Variants in FRMD5 observed in about 807,000 individuals in gnomAD.
FRMD5 encodes the protein FERM domain-containing protein 5.
Under a neutral mutation model 69.0 loss-of-function variants are expected in FRMD5, and 20 were observed. The ratio of observed to expected loss-of-function variants is 0.29; its 90% CI spans 0.20 to 0.42. The LOEUF (loss-of-function observed/expected upper bound fraction) is 0.42. Among genes scored for constraint, FRMD5 ranks in the 10% least tolerant of loss-of-function variants. FRMD5 has a pLI of 1.00. For missense variants in FRMD5, 595 were observed against 708.6 expected, an observed-to-expected ratio of 0.84 and a Z score of 1.82; for synonymous variants, 271 against 260.1, an observed-to-expected ratio of 1.04 and a Z score of -0.40.
At chr15:43,918,455 CCTT>C (rs1380303514) in intron 4 of FRMD5, among the ~76,000 whole-genome samples, 7 of 152,168 alleles carry the variant, frequency 4.6e-5, no homozygotes, top group Admixed American at 2.0e-4. Context: ...ATTCTTTCCT[CCTT>C]CTTCCCTCCT....
intron 1 of FRMD5, among the ~76,000 whole-genome samples, chr15:44,067,234 G>C (rs1893348930): frequency 6.6e-6 from 1 of 152,198 alleles, no homozygotes; most frequent in Non-Finnish European, 1.5e-5. Context: ...GAGAACTGGG[G>C]AGAGACTAGG....
chr15:44,024,180 A>C (rs1891332493), intron 1 of FRMD5, among the ~76,000 whole-genome samples: 1 of 152,128 alleles, frequency 6.6e-6, no homozygotes, highest in African/African-American at 2.4e-5. Context: ...GAAAATAAAC[A>C]CCAGATGTGT....
chr15:43,919,449 T>G lies in FRMD5; in HGVS notation c.329+10A>C, dbSNP rs775214475. 7.4e-6 allele frequency: 12 copies of G among 1,613,216 alleles called. No individual in the cohort carries two copies. The highest frequency in any genetic ancestry group is 1.3e-5 in the African/African-American group (1 of 75,020). On this transcript the variant is annotated intron_variant, in intron 4 of 13. Coordinates refer to ENST00000417257, the MANE Select transcript of FRMD5 (RefSeq NM_032892.5). ...GGTCCTAATGGCTGCGGGAAGCATG[T>G]TCACCTCACCTGGTTATTTCTTCTT...
At chr15:43,989,018 G>C (rs1889535005) in intron 1 of FRMD5, 1 of 808,166 alleles carries the variant, frequency 1.2e-6, no homozygotes, top group Non-Finnish European at 2.1e-6. Context: ...CGCAAGTTAG[G>C]TTTTGTCAAG....
intron 1 of FRMD5, among the ~76,000 whole-genome samples, chr15:44,181,248 T>C (rs1364473024): frequency 1.3e-5 from 2 of 152,068 alleles, no homozygotes; most frequent in African/African-American, 4.8e-5. Context: ...CTCACTATGT[T>C]GCCCAGGCTG....
chr15:43,891,894 C>T (rs1370742901), intron 8 of FRMD5, 87 bp downstream of exon 8: 1 of 1,089,680 alleles, frequency 9.2e-7, no homozygotes, highest in Non-Finnish European at 1.4e-6. Flanking sequence ...CCAGAACTGC[C>T]CAATCACAGA....
chr15:44,179,412 C>A (rs1406542342), intron 1 of FRMD5, among the ~76,000 whole-genome samples: 1 of 152,186 alleles, frequency 6.6e-6, no homozygotes, highest in Non-Finnish European at 1.5e-5. Flanking sequence ...TTATAATTGA[C>A]AAACTAAGAT....
rs1230381781 is a variant in FRMD5, at chr15:44,055,924, C to A, written c.103-131615G>T. Reference sequence around the variant, plus strand: ...ATACATCTCCTTTTCTTTGCGTGATCTTCTTCATTTTCTATACCAGGTATT... The same window carrying A: ...ATACATCTCCTTTTCTTTGCGTGATATTCTTCATTTTCTATACCAGGTATT... On this transcript the variant is annotated intron_variant, in intron 1 of 13. Coordinates refer to ENST00000417257, the MANE Select transcript of FRMD5 (RefSeq NM_032892.5). 3.3e-5 allele frequency among the ~76,000 whole-genome samples: 5 copies of A among 152,156 alleles called. No homozygotes were observed. In the East Asian group the frequency reaches 5.8e-4, roughly 18 times the overall value.
chr15:44,127,385 C>A (rs1040654707), intron 1 of FRMD5, among the ~76,000 whole-genome samples: 4 of 152,212 alleles, frequency 2.6e-5, no homozygotes, highest in African/African-American at 9.7e-5. Flanking sequence ...AGCCACCACA[C>A]CCAGCCTAAT....
upstream of FRMD5, chr15:44,195,301 A>G: frequency 2.1e-6 from 1 of 483,312 alleles, no homozygotes; most frequent in East Asian, 4.0e-5. Flanking sequence ...GCCCGTGCCC[A>G]GCTCGCGGGG....
chr15:44,197,258 T>G (rs1390200616), upstream of FRMD5, among the ~76,000 whole-genome samples: 2 of 151,984 alleles, frequency 1.3e-5, no homozygotes, highest in African/African-American at 4.8e-5. Flanking sequence ...CTACAGCACT[T>G]AAATCCCAGA....
intron 1 of FRMD5, among the ~76,000 whole-genome samples, chr15:44,009,414 T>C (rs1385644122): frequency 6.6e-6 from 1 of 152,166 alleles, no homozygotes; most frequent in African/African-American, 2.4e-5. Context: ...GTGCAGTGGC[T>C]CATGCCTCTA....
Position 43,924,302 on chromosome 15 carries a change from G to A in FRMD5, c.110C>T (p.Ala37Val). 1.2e-6 allele frequency: 2 copies of A among 1,612,552 alleles called. No homozygotes were observed. The highest frequency in any genetic ancestry group is 1.7e-6 in the Non-Finnish European group (2 of 1,178,784). Residue 37 changes from alanine to valine, a missense_variant, in exon 2 of 14, where the codon GCC becomes GTC. Ala to Val is a moderately conservative substitution (Grantham distance 64). This residue lies in a region of FRMD5 where 79 missense variants were observed against 139.9 expected (regional missense o/e 0.56). Transcript: ENST00000417257. ...SEYTCTIQRD[A>V]KGQYLFDLLC... ...AAGGTCAAACAGGTACTGGCCTTTG[G>A]CATCTCTCTGCAAAGAAAGAAAACT...
chr15:43,990,018 G>T, intron 1 of FRMD5: 1 of 860,214 alleles, frequency 1.2e-6, no homozygotes, highest in South Asian at 1.3e-5. Flanking sequence ...GGACCTCGTT[G>T]CCCACATAGG....
At chr15:44,085,609 AC>A (rs1894165884) in intron 1 of FRMD5, among the ~76,000 whole-genome samples, 1 of 152,160 alleles carries the variant, frequency 6.6e-6, no homozygotes, top group Non-Finnish European at 1.5e-5. Context: ...GGTATCTCAA[AC>A]CAAGTCTGGG....
intron 1 of FRMD5, among the ~76,000 whole-genome samples, chr15:43,939,508 T>C (rs2089824678): frequency 6.6e-6 from 1 of 151,872 alleles, no homozygotes; most frequent in African/African-American, 2.4e-5. Context: ...CCAGGTAGAG[T>C]GTCTTATAGT....
upstream of FRMD5, among the ~76,000 whole-genome samples, chr15:44,195,494 G>C (rs914319308): frequency 6.6e-6 from 1 of 152,198 alleles, no homozygotes; most frequent in African/African-American, 2.4e-5. Context: ...GTTCCTCTCC[G>C]CCCCGTGGTT....
At chr15:43,952,581 T>A (rs952984349) in intron 1 of FRMD5, among the ~76,000 whole-genome samples, 2 of 152,236 alleles carry the variant, frequency 1.3e-5, no homozygotes, top group African/African-American at 2.4e-5. Context: ...TGACCAAGGC[T>A]TCAGCACTGC....
chr15:44,098,523 CA>C (rs10660236), intron 1 of FRMD5, among the ~76,000 whole-genome samples: 147 of 105,264 alleles, frequency 1.4e-3, no homozygotes, highest in African/African-American at 4.0e-3. Flanking sequence ...GACTCTGTCT[CA>C]AAAAAAAAAA....
Sources: gnomAD v4.1 joint callset for allele counts (sites outside exome capture counted in the v4.1 genomes callset) on GRCh38, gnomAD v4.1.1 for gene constraint, gnomAD v4.1.1 regional missense constraint, MANE v1.5 for transcripts, NCBI Gene and HGNC (gene_info 2026-07-23, HGNC 2026-07-21) for gene names.